Variants in UBA1 observed in about 807,000 individuals in gnomAD.
The protein encoded by UBA1 is ubiquitin-like modifier-activating enzyme 1.
UBA1 carries 4 observed loss-of-function variants against 84.7 expected under a neutral mutation model. The observed-to-expected ratio is 0.05, with a 90% CI of 0.02 to 0.11. UBA1 has a LOEUF of 0.11. Ranked by LOEUF, UBA1 falls within the 10% of genes least tolerant of loss-of-function variation. UBA1 has a pLI of 1.00. For synonymous variants in UBA1, 364 were observed against 362.6 expected, an observed-to-expected ratio of 1.00 and a Z score of -0.04; for missense variants, 513 against 902.8, an observed-to-expected ratio of 0.57 and a Z score of 5.53.
At chrX:47,203,462 A>AGT (rs1330269298) in intron 13 of UBA1, 79 bp from the exon 14 acceptor site, 1 of 1,117,847 alleles carries the variant, frequency 8.9e-7, no homozygotes, top group African/African-American at 1.8e-5. Context: ...CTCTCAGGGG[A>AGT]GTGAGGGGTG....
intron 18 of UBA1, 67 bp from the exon 19 acceptor site, chrX:47,210,775 A>G: frequency 9.1e-7 from 1 of 1,093,095 alleles, no homozygotes; most frequent in Non-Finnish European, 1.3e-6. Flanking sequence ...GCCTAGGTGA[A>G]GCGTGAAGAT....
rs139492208 is a variant in UBA1, at chrX:47,212,812, A to G, written c.2595A>G (p.Ala865=). The G allele has an allele frequency of 4.2e-4, 510 of 1,209,932 alleles. 4 individuals carry two copies. The African/African-American group carries it at 8.1e-3, about 19-fold the overall frequency. Residue 865 remains alanine (A), a synonymous_variant, in exon 22 of 26, where the codon GCA becomes GCG. Coordinates refer to ENST00000335972, the MANE Select transcript of UBA1 (RefSeq NM_003334.4). ...SNFHMDFIVA[A]SNLRAENYDI... The stretch of plus-strand genomic sequence containing the variant: ...TTCATATGGATTTCATCGTGGCTGC[A>G]TCCAACCTCCGGGCAGAAAACTATG...
chrX:47,214,223 G>A, intron 23 of UBA1, 104 bp from the exon 24 acceptor site: 1 of 694,687 alleles, frequency 1.4e-6, no homozygotes, highest in African/African-American at 2.1e-5. Flanking sequence ...AGAGGGTTGT[G>A]ATCTGACTAA....
At chrX:47,199,403 C>G (rs1302611610) in intron 4 of UBA1, 26 bp downstream of exon 4, 4 of 1,210,538 alleles carry the variant, frequency 3.3e-6, no homozygotes, top group Non-Finnish European at 4.5e-6. Context: ...ACCCTTCCCC[C>G]TTTCCCCCTT....
rs782605750 is a variant in UBA1, at chrX:47,202,165, C to T, written c.821C>T (p.Thr274Ile). 3 of 1,208,734 alleles carry T rather than the reference C, an allele frequency of 2.5e-6. No homozygotes were observed. The highest frequency in any genetic ancestry group is 2.2e-6 in the Non-Finnish European group (2 of 893,483). The change falls in exon 9 of 26, where the codon ACC becomes ATC. Residue 274 changes from threonine (T) to isoleucine (I), a missense_variant. Around this residue, in one of 6 missense-constraint regions of UBA1, gnomAD observed 227 missense variants for 339.1 expected, o/e 0.67. Coordinates refer to ENST00000335972, the MANE Select transcript of UBA1 (RefSeq NM_003334.4). The stretch of plus-strand genomic sequence containing the variant: ...TTCCTGCCCTCTGTAGGTCCTTATA[C>T]CTTTAGCATCTGTGACACCTCCAAC... The part of the protein sequence containing the change: ...PMEIKVLGPY[T>I]FSICDTSNFS...
chrX:47,213,304 T>C, intron 23 of UBA1, 123 bp downstream of exon 23: 1 of 722,211 alleles, frequency 1.4e-6, no homozygotes, highest in Non-Finnish European at 2.0e-6. Context: ...TTTTTGTGTA[T>C]CCTTTTTCAC....
chrX:47,192,804 T>G (rs1057034607), upstream of UBA1, among the ~76,000 whole-genome samples: 3 of 112,396 alleles, frequency 2.7e-5, no homozygotes, highest in Non-Finnish European at 5.6e-5. Context: ...TTGGCCAGGC[T>G]GGTCTCCAAT....
intron 23 of UBA1, among the ~76,000 whole-genome samples, 162 bp downstream of exon 23, chrX:47,213,343 G>T (rs909797396): frequency 9.0e-6 from 1 of 111,681 alleles, no homozygotes; most frequent in Non-Finnish European, 1.9e-5. Flanking sequence ...ATTTGAGTAC[G>T]TGCGAAAAGA....
rs781797300 is a variant in UBA1 at position 47,199,197 on chromosome X, CT to C, written c.177-11del. 7.4e-6 allele frequency: 9 copies of C among 1,210,948 alleles called. No homozygotes were observed. In the African/African-American group the frequency reaches 1.6e-4, roughly 21 times the overall value. On this transcript the variant is annotated splice_polypyrimidine_tract_variant and intron_variant, in intron 3 of 25. Coordinates refer to ENST00000335972, the MANE Select transcript of UBA1 (RefSeq NM_003334.4). ...GGCAGGCCCTGACCTAGAGTACCCC[CT>C]AACCTGGCAGGTATGTGTTGGGCCA...
rs1556794710 is a variant in UBA1, at chrX:47,214,775, C to G, written c.3042-19C>G. The G allele has an allele frequency of 1.7e-6, 2 of 1,210,035 alleles. No homozygotes were observed. The highest frequency in any genetic ancestry group is 4.3e-5 in the Admixed American group (2 of 46,086). On this transcript the variant is annotated intron_variant, in intron 25 of 25. Coordinates refer to ENST00000335972, the MANE Select transcript of UBA1 (RefSeq NM_003334.4). ...CTTTCTGCCCTCCTGACCCTATACT[C>G]CCATCCCCCTATCCCCAGGATGACA...
At chrX:47,197,014 C>T (rs185550959) in intron 1 of UBA1, 2 of 544,832 alleles carry the variant, frequency 3.7e-6, no homozygotes, top group East Asian at 1.8e-4. Context: ...GAAATGAGAT[C>T]TCTACCCCAG....
chrX:47,209,186 C>T (rs1936814612), intron 16 of UBA1: 1 of 334,988 alleles, frequency 3.0e-6, no homozygotes, highest in Non-Finnish European at 5.2e-6. Flanking sequence ...AGACAGTCTT[C>T]CTCTGTCACC....
At chrX:47,197,330 G>A in intron 1 of UBA1, 3 of 754,962 alleles carry the variant, frequency 4.0e-6, no homozygotes, top group Non-Finnish European at 4.7e-6. Context: ...GGGTCATGGG[G>A]ATTGTTAAGA....
rs782751765 is a variant in UBA1, at chrX:47,214,432, A to G, written c.2940+4A>G. 9.1e-6 allele frequency: 11 copies of G among 1,207,683 alleles called. No homozygotes were observed. In the Admixed American group the frequency reaches 2.4e-4, roughly 26 times the overall value. On this transcript the variant is annotated splice_donor_region_variant and intron_variant, in intron 24 of 25. Transcript: ENST00000335972. ...ACAGTTCCTCGACTATTTTAAGGTA[A>G]GGCCCCTCCCTTACTCTGTCACCCC...
At chrX:47,192,693 C>T (rs1556784506), upstream of UBA1, among the ~76,000 whole-genome samples, 1 of 110,935 alleles carries the variant, frequency 9.0e-6, no homozygotes, top group African/African-American at 3.3e-5. Context: ...CGAGTTCAAG[C>T]GATTCTCCTG....
chrX:47,203,810 T>C, intron 14 of UBA1, 114 bp downstream of exon 14: 1 of 824,661 alleles, frequency 1.2e-6, no homozygotes, highest in South Asian at 2.7e-5. Context: ...TGCAGTGGCG[T>C]GATCTCTGGC....
intron 16 of UBA1, chrX:47,208,437 T>C (rs1556792118): frequency 8.9e-6 from 1 of 112,476 alleles, no homozygotes; most frequent in Admixed American, 9.4e-5. Flanking sequence ...GTGCTGGGAT[T>C]ACATGTGTAA....
upstream of UBA1, among the ~76,000 whole-genome samples, chrX:47,192,369 C>G (rs1345466677): frequency 1.8e-5 from 2 of 111,443 alleles, no homozygotes; most frequent in Admixed American, 1.9e-4. Context: ...TAAACTCCAT[C>G]GCAAGGTAAG....
chrX:47,212,888 T>C, intron 22 of UBA1, 25 bp downstream of exon 22: 2 of 1,206,862 alleles, frequency 1.7e-6, no homozygotes, highest in Middle Eastern at 4.6e-4. Context: ...AATCTGATGT[T>C]CCACCCTCCT....
Sources: gnomAD v4.1 joint callset for allele counts (sites outside exome capture counted in the v4.1 genomes callset) on GRCh38, gnomAD v4.1.1 for gene constraint, gnomAD v4.1.1 regional missense constraint, MANE v1.5 for transcripts, NCBI Gene and HGNC (gene_info 2026-07-23, HGNC 2026-07-21) for gene names.